Variants in DNASE1 observed in about 807,000 individuals in gnomAD.
DNASE1 encodes the protein deoxyribonuclease 1, also known as deoxyribonuclease-1.
Under a neutral mutation model 33.9 loss-of-function variants are expected in DNASE1, and 40 were observed. The observed-to-expected ratio is 1.18, with a 90% CI of 0.92 to 1.54. DNASE1 has a LOEUF of 1.54. Ranked by LOEUF, DNASE1 falls within the 40% of genes most tolerant of loss-of-function variation. The pLI, the probability that DNASE1 is intolerant of heterozygous loss-of-function variation, is 0.00. For synonymous variants in DNASE1, 216 were observed against 160.0 expected, an observed-to-expected ratio of 1.35 and a Z score of -2.64; for missense variants, 518 against 372.6, an observed-to-expected ratio of 1.39 and a Z score of -3.21.
chr16:3,626,241 G>A (rs973168054), intron 1 of DNASE1, among the ~76,000 whole-genome samples: 1 of 151,548 alleles, frequency 6.6e-6, no homozygotes, highest in Non-Finnish European at 1.5e-5. Flanking sequence ...GACTTGAGTG[G>A]CCAACAGGTA....
intron 1 of DNASE1, among the ~76,000 whole-genome samples, chr16:3,636,572 A>C (rs1366169086): frequency 1.3e-5 from 2 of 152,216 alleles, no homozygotes; most frequent in Non-Finnish European, 2.9e-5. Context: ...CTGTAATCCC[A>C]ACACTTTGGG....
At chr16:3,655,659 T>C in intron 2 of DNASE1, 139 bp downstream of exon 2, 6 of 1,459,202 alleles carry the variant, frequency 4.1e-6, no homozygotes, top group Admixed American at 3.6e-5. Context: ...TGGAACAGGC[T>C]CTTGGCTGTG....
chr16:3,649,977 T>G (rs1215279129), upstream of DNASE1, among the ~76,000 whole-genome samples: 1 of 152,190 alleles, frequency 6.6e-6, no homozygotes, highest in Non-Finnish European at 1.5e-5. Context: ...TAAGGTGGTC[T>G]TGTAAAATTT....
chr16:3,653,294 G>A (rs1398409453), upstream of DNASE1: 1 of 152,224 alleles, frequency 6.6e-6, no homozygotes, highest in African/African-American at 2.4e-5. Context: ...CTGACTCCCT[G>A]ACTTCAGACG....
chr16:3,643,454 G>A (rs928909757), intron 1 of DNASE1, among the ~76,000 whole-genome samples: 1 of 152,226 alleles, frequency 6.6e-6, no homozygotes, highest in Admixed American at 6.5e-5. Flanking sequence ...GCCGGGACAA[G>A]CCACAGCTGG....
intron 1 of DNASE1, among the ~76,000 whole-genome samples, chr16:3,625,072 C>G (rs1264713334): frequency 1.3e-5 from 2 of 152,080 alleles, no homozygotes; most frequent in Admixed American, 1.3e-4. Flanking sequence ...TTTGGGAGGC[C>G]TAGGCGGGCG....
At chr16:3,618,983 T>TG (rs2041206424) in intron 1 of DNASE1, among the ~76,000 whole-genome samples, 1 of 151,850 alleles carries the variant, frequency 6.6e-6, no homozygotes, top group South Asian at 2.1e-4. Context: ...CTTCCCAACT[T>TG]CCTTATCTTC....
intron 1 of DNASE1, among the ~76,000 whole-genome samples, chr16:3,623,779 C>T (rs1281509879): frequency 6.6e-6 from 1 of 151,958 alleles, no homozygotes; most frequent in Non-Finnish European, 1.5e-5. Flanking sequence ...CAAGTGAAGA[C>T]ATACAAGCGG....
chr16:3,617,492 A>C (rs963746866), intron 1 of DNASE1, among the ~76,000 whole-genome samples: 33 of 152,200 alleles, frequency 2.2e-4, no homozygotes, highest in African/African-American at 7.7e-4. Context: ...GTATACTATC[A>C]AGAAAATGAG....
At chr16:3,633,229 C>T (rs2041755085) in intron 1 of DNASE1, among the ~76,000 whole-genome samples, 1 of 152,066 alleles carries the variant, frequency 6.6e-6, no homozygotes, top group Non-Finnish European at 1.5e-5. Flanking sequence ...TCTTTTTCTG[C>T]TTTCTCTGGC....
intron 1 of DNASE1, among the ~76,000 whole-genome samples, chr16:3,648,535 G>A (rs564082094): frequency 1.3e-5 from 2 of 152,120 alleles, no homozygotes; most frequent in Non-Finnish European, 2.9e-5. Context: ...GGCGAAGCTC[G>A]CGTGAACCCC....
chr16:3,612,111 C>T (rs112542394), intron 1 of DNASE1: 1,707 of 152,424 alleles, frequency 0.011, 31 homozygotes, highest in African/African-American at 0.039. Context: ...CCGAGCTCTT[C>T]CGCAGGGCTA....
chr16:3,664,155 GA>G, exon 10 of DNASE1: 1 of 1,109,672 alleles, frequency 9.0e-7, no homozygotes, highest in Non-Finnish European at 1.2e-6. Context: ...CCGTGACCCT[GA>G]CCCACTGTGC....
intron 2 of DNASE1, 146 bp downstream of exon 2, chr16:3,655,666 T>C (rs1297150998): frequency 4.8e-6 from 7 of 1,448,986 alleles, no homozygotes; most frequent in Non-Finnish European, 6.6e-6. Flanking sequence ...GGCTCTTGGC[T>C]GTGGACCAAG....
chr16:3,655,225 G>A (rs762053049), intron 1 of DNASE1, 148 bp from the exon 2 acceptor site: 8 of 1,143,996 alleles, frequency 7.0e-6, no homozygotes, highest in Non-Finnish European at 9.8e-6. Context: ...TTGGCTTTCT[G>A]GACGTTGTAG....
chr16:3,654,867 C>G lies in DNASE1; in HGVS notation c.-179C>G, dbSNP rs189467610. The G allele has an allele frequency of 4.8e-6, 2 of 420,322 alleles. No individual in the cohort carries two copies. The highest frequency in any genetic ancestry group is 8.3e-6 in the Non-Finnish European group (2 of 239,816). 26.0% of individuals were successfully genotyped at this position (420,322 alleles called of 1,614,324 possible). ...TTTAAAACTCCCAGACACGCACTGC[C>G]TGTGCAGGATCCGGAGCCCAGCAGC... On this transcript the variant is annotated 5_prime_UTR_variant, in exon 1 of 9. Coordinates refer to ENST00000246949, the MANE Select transcript of DNASE1 (RefSeq NM_005223.4).
chr16:3,639,098 A>G (rs1479599559), upstream of DNASE1, among the ~76,000 whole-genome samples: 3 of 151,940 alleles, frequency 2.0e-5, no homozygotes, highest in African/African-American at 7.3e-5. Flanking sequence ...TATAGGTCAT[A>G]TTTTCCTCTC....
downstream of DNASE1, chr16:3,662,413 C>T (rs1785340154): frequency 1.8e-6 from 1 of 566,436 alleles, no homozygotes; most frequent in Non-Finnish European, 3.2e-6. Flanking sequence ...CCATGCCAGC[C>T]CACCCTGCAT....
At chr16:3,656,079 G>A (rs8176931) in intron 3 of DNASE1, 23 bp from the exon 4 acceptor site, 2 of 1,613,850 alleles carry the variant, frequency 1.2e-6, no homozygotes, top group Admixed American at 3.3e-5. Flanking sequence ...CCGCCACTGG[G>A]ACCTTTTGTT....
Sources: gnomAD v4.1 joint callset for allele counts (sites outside exome capture counted in the v4.1 genomes callset) on GRCh38, gnomAD v4.1.1 for gene constraint, MANE v1.5 for transcripts, NCBI Gene and HGNC (gene_info 2026-07-23, HGNC 2026-07-21) for gene names.